The following NEBL variants were observed in gnomAD, a reference collection of about 807,000 sequenced individuals.
The protein encoded by NEBL is LIM and SH3 protein 2.
In NEBL, 122 loss-of-function variants were observed where a neutral mutation model predicts 140.2. The observed-to-expected ratio is 0.87, with a 90% CI of 0.75 to 1.01. The LOEUF is 1.01. NEBL is among the 50% of genes least tolerant of loss of function. The pLI, the probability that NEBL is intolerant of heterozygous loss-of-function variation, is 0.00. For synonymous variants in NEBL, 436 were observed against 398.9 expected (o/e 1.09, Z -1.11); for missense variants, 1,365 against 1,231.3 (o/e 1.11, Z -1.62).
chr10:20,848,368 T>G (rs1389454884), intron 11 of NEBL, among the ~76,000 whole-genome samples: 1 of 152,244 alleles, frequency 6.6e-6, no homozygotes, highest in Non-Finnish European at 1.5e-5. Flanking sequence ...ATCAATTCAC[T>G]TGAAACAAAT....
chr10:21,172,348 G>T, intron 2 of NEBL: 1 of 1,518,500 alleles, frequency 6.6e-7, no homozygotes. Flanking sequence ...CTCTGAGGCT[G>T]TGCCACACCT....
intron 1 of NEBL, among the ~76,000 whole-genome samples, chr10:21,257,578 C>A (rs1842674610): frequency 6.6e-6 from 1 of 152,216 alleles, no homozygotes; most frequent in African/African-American, 2.4e-5. Flanking sequence ...AGGTGACAAT[C>A]TGGTTGATGT....
chr10:20,782,587 G>A lies in NEBL; in HGVS notation c.*3160C>T, dbSNP rs1835102298. 1 of 152,244 alleles carries A rather than the reference G, an allele frequency of 6.6e-6. No homozygotes were observed. The highest frequency in any genetic ancestry group is 1.5e-5 in the Non-Finnish European group (1 of 68,086). The allele number at this position is 152,244 out of a possible 1,614,324, so 9.4% of individuals were successfully genotyped here. A position where few individuals can be genotyped will look rare whatever the true frequency, so the allele number is the denominator to read the frequency against. ...ATCTTCTTCAAGAAATAAACCCAGTGGACAGAGAGGGGCTGGTCTAATCTT... is the reference window on the plus strand; with the variant it reads ...ATCTTCTTCAAGAAATAAACCCAGTAGACAGAGAGGGGCTGGTCTAATCTT... On this transcript the variant is annotated 3_prime_UTR_variant, in exon 28 of 28. Transcript: ENST00000377122.
intron 2 of NEBL, among the ~76,000 whole-genome samples, chr10:21,139,987 C>CAAAAAAAAAAAA (rs11289396): frequency 2.0e-5 from 2 of 99,688 alleles, no homozygotes; most frequent in African/African-American, 6.7e-5. Flanking sequence ...CCTGTCTCAA[C>CAAAAAAAAAAAA]AAAAAAAAAA....
chr10:21,207,366 T>G (rs984900096), intron 3 of NEBL, among the ~76,000 whole-genome samples: 1 of 152,202 alleles, frequency 6.6e-6, no homozygotes, highest in Non-Finnish European at 1.5e-5. Flanking sequence ...CTTTCAGTCA[T>G]AAGGAAGTGA....
chr10:21,030,586 G>C (rs1426495381), intron 2 of NEBL: 1 of 646,450 alleles, frequency 1.5e-6, no homozygotes, highest in African/African-American at 1.8e-5. Context: ...CCCTACAAGT[G>C]GTGGGGGAAA....
At chr10:21,193,272 G>A (rs975635278) in intron 3 of NEBL, among the ~76,000 whole-genome samples, 6 of 152,196 alleles carry the variant, frequency 3.9e-5, no homozygotes, top group African/African-American at 1.4e-4. Context: ...AAGGAAGCCA[G>A]AGATCTGAGC....
intron 2 of NEBL, among the ~76,000 whole-genome samples, chr10:21,136,056 C>T (rs1052636941): frequency 1.3e-5 from 2 of 152,216 alleles, no homozygotes; most frequent in East Asian, 1.9e-4. Flanking sequence ...GAGTCCCCAA[C>T]CTCACAGAAG....
intron 2 of NEBL, among the ~76,000 whole-genome samples, chr10:21,158,934 G>A (rs1402046895): frequency 6.6e-6 from 1 of 152,060 alleles, no homozygotes; most frequent in Non-Finnish European, 1.5e-5. Flanking sequence ...GAATATAAGT[G>A]CTTTTGAAAC....
chr10:21,021,676 C>T (rs539880835), intron 2 of NEBL, among the ~76,000 whole-genome samples: 9 of 152,292 alleles, frequency 5.9e-5, no homozygotes, highest in South Asian at 4.1e-4. Flanking sequence ...AGGAATGGCC[C>T]CTGGATGGAC....
intron 10 of NEBL, 22 bp downstream of exon 10, chr10:20,852,523 T>C (rs367574641): frequency 1.5e-5 from 24 of 1,557,848 alleles, no homozygotes; most frequent in Non-Finnish European, 2.0e-5. Flanking sequence ...GGAGGGTAGG[T>C]ACCGTACGGG....
chr10:20,998,806 C>T (rs3900782), intron 3 of NEBL, among the ~76,000 whole-genome samples: 18,970 of 152,048 alleles, frequency 0.12, 2,680 homozygotes, highest in East Asian at 0.43. Flanking sequence ...ACAACTAGCC[C>T]CAATGAAGTC....
At chr10:20,951,109 G>GA (rs1253838541) in intron 4 of NEBL, among the ~76,000 whole-genome samples, 6 of 150,828 alleles carry the variant, frequency 4.0e-5, no homozygotes, top group South Asian at 2.1e-4. Flanking sequence ...ATCTCTATTC[G>GA]AAAAAAACAA....
At chr10:20,867,175 T>C (rs961699033) in intron 7 of NEBL, among the ~76,000 whole-genome samples, 2 of 152,210 alleles carry the variant, frequency 1.3e-5, no homozygotes, top group African/African-American at 4.8e-5. Flanking sequence ...TTTCATTTCA[T>C]TTAAATTTTT....
At chr10:20,880,550 T>A (rs568967499) in intron 5 of NEBL, among the ~76,000 whole-genome samples, 1 of 152,294 alleles carries the variant, frequency 6.6e-6, no homozygotes, top group African/African-American at 2.4e-5. Flanking sequence ...GTCTGAAGGA[T>A]CTACATTTGT....
chr10:21,227,944 T>C (rs981592663), intron 3 of NEBL, among the ~76,000 whole-genome samples: 1 of 151,970 alleles, frequency 6.6e-6, no homozygotes, highest in Non-Finnish European at 1.5e-5. Flanking sequence ...CAAGCACTGA[T>C]TTTTAAAATA....
At chr10:21,206,968 CTTTTTTTTTTT>C (rs1028716031) in intron 3 of NEBL, among the ~76,000 whole-genome samples, 4 of 99,138 alleles carry the variant, frequency 4.0e-5, no homozygotes, top group Non-Finnish European at 6.0e-5. Flanking sequence ...CTTTTTCTTT[CTTTTTTTTTTT>C]TTTTTTTTTT....
intron 3 of NEBL, among the ~76,000 whole-genome samples, chr10:21,003,117 T>C (rs979760633): frequency 4.6e-5 from 7 of 151,334 alleles, no homozygotes; most frequent in Non-Finnish European, 8.8e-5. Context: ...TCCTAACTTC[T>C]TCACATTGGG....
intron 2 of NEBL, 100 bp from the exon 3 acceptor site, chr10:20,890,049 T>A: frequency 1.3e-6 from 1 of 772,632 alleles, no homozygotes; most frequent in Non-Finnish European, 2.1e-6. Context: ...TTTACTGAAG[T>A]AAATACTCAA....
Sources: gnomAD v4.1 joint callset for allele counts (sites outside exome capture counted in the v4.1 genomes callset) on GRCh38, gnomAD v4.1.1 for gene constraint, MANE v1.5 for transcripts, NCBI Gene and HGNC (gene_info 2026-07-23, HGNC 2026-07-21) for gene names.